The following DHX34 variants were observed in gnomAD, a reference collection of about 807,000 sequenced individuals.
DHX34 encodes the protein DExH-box helicase 34, also known as probable ATP-dependent RNA helicase DHX34.
Under a neutral mutation model 111.1 loss-of-function variants are expected in DHX34, and 96 were observed. The observed-to-expected ratio is 0.86, with a 90% CI of 0.73 to 1.02. The LOEUF is 1.02. Among genes scored for constraint, DHX34 ranks in the 50% least tolerant of loss-of-function variants. The probability of loss-of-function intolerance (pLI) is 0.00; values close to 1 mark genes in which losing one functional copy is unlikely to be tolerated. For missense variants in DHX34, 1,560 were observed against 1,579.9 expected (o/e 0.99, Z 0.21); for synonymous variants, 688 against 670.4 (o/e 1.03, Z -0.41).
In DHX34 at chr19:47,377,196, C is replaced by T. The variant is rs1187007465; in HGVS notation, c.2696C>T (p.Pro899Leu). The change falls in exon 13 of 17, where the codon CCT becomes CTT. Residue 899 changes from proline to leucine, a missense_variant. Pro to Leu is a moderately conservative substitution (Grantham distance 98). Transcript: ENST00000328771. ...TACCTGGTGAACTGCGTCCGCATCC[C>T]TGCCCTCCAGGTGGGCCTCTGCCCC... ...KPYLVNCVRIPALQSLLLFSR... is the reference protein window; with the variant it reads ...KPYLVNCVRILALQSLLLFSR... The T allele has an allele frequency of 1.2e-6, 2 of 1,613,404 alleles. No homozygotes were observed. The highest frequency in any genetic ancestry group is 8.5e-7 in the Non-Finnish European group (1 of 1,179,742).
chr19:47,349,803 A>G (rs1029507274), intron 1 of DHX34, among the ~76,000 whole-genome samples: 4 of 152,158 alleles, frequency 2.6e-5, no homozygotes, highest in African/African-American at 7.2e-5. Flanking sequence ...TTAGATGGAG[A>G]AACGAGACAC....
rs753999314 is a variant in DHX34 at position 47,362,553 on chromosome 19, G to A, written c.1453G>A (p.Ala485Thr). 15 of 1,612,878 alleles carry A rather than the reference G, an allele frequency of 9.3e-6. No individual in the cohort carries two copies. The highest frequency in any genetic ancestry group is 1.6e-4 in the Middle Eastern group (1 of 6,072). Residue 485 changes from alanine (A) to threonine (T), a missense_variant, in exon 6 of 17, where the codon GCA (alanine) becomes ACA (threonine). Coordinates refer to ENST00000328771, the MANE Select transcript of DHX34 (RefSeq NM_014681.6). ...LQEFWISQAS[A>T]EQRKGRAGRT... ...GGAGTTCTGGATTAGTCAGGCCAGC[G>A]CAGAGCAGCGGAAGGGCCGGGCGGG... is the stretch of plus-strand genomic sequence containing the variant.
chr19:47,353,449 A>G lies in DHX34; in HGVS notation c.419A>G (p.Tyr140Cys). ...GAGTTCCGCCGAGCCCTGTTGCACT[A>G]CCTGGACTTTGGCCAGAAGCAGGCA... ...VAEFRRALLH[Y>C]LDFGQKQAFG... The change falls in exon 2 of 17, where the codon TAC (tyrosine) becomes TGC (cysteine). Residue 140 changes from tyrosine (Y) to cysteine (C), a missense_variant. Transcript: ENST00000328771. This position sits in a 1 kb window ranked among gnomAD's most constrained non-coding sequence, Gnocchi z 4.6. The G allele has an allele frequency of 6.2e-7, 1 of 1,614,108 alleles. No homozygotes were observed. The highest frequency in any genetic ancestry group is 8.5e-7 in the Non-Finnish European group (1 of 1,180,030).
In DHX34 at chr19:47,381,372, C is replaced by T. The variant is rs114378845; in HGVS notation, c.3298+48C>T. The T allele has an allele frequency of 1.2e-3, 1,831 of 1,583,900 alleles. 18 individuals are homozygous for T. The African/African-American group carries it at 0.022, about 19-fold the overall frequency. On this transcript the variant is annotated intron_variant, in intron 16 of 16. Coordinates refer to ENST00000328771, the MANE Select transcript of DHX34 (RefSeq NM_014681.6). ...CCGGCCACCTCTGCCCAGCCGTCTG[C>T]CCATCCCATGATGGTCTCCTGTGCG...
Position 47,379,923 on chromosome 19 carries a change from C to A in DHX34, c.2920C>A (p.Pro974Thr). 1 of 1,611,670 alleles carries A rather than the reference C, an allele frequency of 6.2e-7. No homozygotes were observed. The highest frequency in any genetic ancestry group is 1.1e-5 in the South Asian group (1 of 91,010). ...QQLEEEEEDT[P>T]VSPKEVATLS... ...GCTGGAGGAGGAGGAGGAGGATACG[C>A]CAGTCAGCCCCAAGGAGGTGGCCAC... Residue 974 changes from proline (P) to threonine (T), a missense_variant, in exon 14 of 17, where the codon CCA (proline) becomes ACA (threonine). Pro to Thr is a conservative substitution (Grantham distance 38, BLOSUM62 -1). Coordinates refer to ENST00000328771, the MANE Select transcript of DHX34 (RefSeq NM_014681.6).
chr19:47,360,562 C>G (rs896463211), intron 5 of DHX34, among the ~76,000 whole-genome samples: 1 of 152,092 alleles, frequency 6.6e-6, no homozygotes, highest in East Asian at 1.9e-4. Flanking sequence ...TTTCAGGGCC[C>G]GCATAAATGT....
chr19:47,375,685 G>A lies in DHX34; in HGVS notation c.2284G>A (p.Ala762Thr). The stretch of plus-strand genomic sequence containing the variant: ...CAGGGCTGGCCCAGCCCCCCCAGGG[G>A]CCAGTGATGGCGTGGACATCCAGGT... ...EDRAGPAPPG[A>T]SDGVDIQDVK... Residue 762 changes from alanine to threonine, a missense_variant, in exon 10 of 17, where the codon GCC becomes ACC. Coordinates refer to ENST00000328771, the MANE Select transcript of DHX34 (RefSeq NM_014681.6). 1.3e-6 allele frequency: 2 copies of A among 1,558,016 alleles called. No homozygotes were observed. Among genetic ancestry groups the A allele is most frequent in the Non-Finnish European group, 1.7e-6 (2 of 1,155,868 alleles).
At chr19:47,366,591 A>G (rs1484095959) in intron 6 of DHX34, among the ~76,000 whole-genome samples, 2 of 146,670 alleles carry the variant, frequency 1.4e-5, no homozygotes, top group Non-Finnish European at 3.0e-5. Flanking sequence ...GACACTGGGA[A>G]TTTGAGATGG....
intron 4 of DHX34, 33 bp downstream of exon 4, chr19:47,358,153 G>A: frequency 6.3e-7 from 1 of 1,591,600 alleles, no homozygotes; most frequent in Non-Finnish European, 8.6e-7. Flanking sequence ...GGCAGGCGGG[G>A]GGTCTGCATG....
rs774431074 is a variant in DHX34 at position 47,367,013 on chromosome 19, C to A, written c.1626C>A (p.Thr542=). The A allele has an allele frequency of 2.5e-6, 4 of 1,570,896 alleles. No individual in the cohort carries two copies. Among genetic ancestry groups the A allele is most frequent in the Non-Finnish European group, 3.4e-6 (4 of 1,161,928 alleles). ...GCATGAGTGTGGGGGACCCCCGAAC[C>A]TTCCCCTTCATCGAGCCCCCACCAC... is the stretch of plus-strand genomic sequence containing the variant. ...MKSMSVGDPR[T]FPFIEPPPPA... The change falls in exon 7 of 17, where the codon ACC becomes ACA. Residue 542 remains threonine (T), a synonymous_variant. Coordinates refer to ENST00000328771, the MANE Select transcript of DHX34 (RefSeq NM_014681.6).
chr19:47,369,185 G>GT (rs757328717), intron 7 of DHX34, among the ~76,000 whole-genome samples: 1 of 152,064 alleles, frequency 6.6e-6, no homozygotes, highest in Non-Finnish European at 1.5e-5. Context: ...GCCAGTATTT[G>GT]TTTTTTCAGT....
At chr19:47,368,305 T>C (rs1373446503) in intron 7 of DHX34, among the ~76,000 whole-genome samples, 20 of 133,088 alleles carry the variant, frequency 1.5e-4, no homozygotes, top group African/African-American at 5.7e-4. Flanking sequence ...ATCCTTTTTT[T>C]TTTTTTTTTT....
intron 8 of DHX34, among the ~76,000 whole-genome samples, chr19:47,373,139 G>A (rs1206030162): frequency 6.6e-6 from 1 of 152,180 alleles, no homozygotes; most frequent in Non-Finnish European, 1.5e-5. Context: ...AGAGGAGCCT[G>A]GGGTTTCTGA....
chr19:47,358,579 A>G (rs116980639), intron 4 of DHX34, among the ~76,000 whole-genome samples: 2 of 151,100 alleles, frequency 1.3e-5, no homozygotes, highest in East Asian at 3.9e-4. Flanking sequence ...TTAGTCTCCC[A>G]AGTAGCAACT....
In DHX34 at chr19:47,352,951, T is replaced by A. The variant is rs1473872284; in HGVS notation, c.-80T>A. On this transcript the variant is annotated 5_prime_UTR_variant, in exon 2 of 17. Transcript: ENST00000328771. ...TTCTCTATTGCAGGCACTGGCCTCTTAAATTGTTGCAGGTGGGGAATGGAT... is the reference window on the plus strand; with the variant it reads ...TTCTCTATTGCAGGCACTGGCCTCTAAAATTGTTGCAGGTGGGGAATGGAT... 8 of 1,501,542 alleles carry A rather than the reference T, an allele frequency of 5.3e-6. No homozygotes were observed. Among genetic ancestry groups the A allele is most frequent in the Non-Finnish European group, 7.1e-6 (8 of 1,125,338 alleles). The allele number at this position is 1,501,542 out of a possible 1,614,324, so 93.0% of individuals were successfully genotyped here.
At position 47,376,456 on chromosome 19, in the gene DHX34, A is replaced by G. The variant is rs932402305; in HGVS notation, c.2495A>G (p.Gln832Arg). Reference protein sequence around the residue: ...RKDSDQIFHTQAKQGAVLHPT... With the variant: ...RKDSDQIFHTRAKQGAVLHPT... ...TGTCCTCCGCAGATTTTCCACACGC[A>G]GGCCAAGCAGGGCGCCGTGCTGCAC... The change falls in exon 12 of 17, where the codon CAG becomes CGG. Residue 832 changes from glutamine (Q) to arginine (R), a missense_variant. Transcript: ENST00000328771. The G allele has an allele frequency of 6.2e-7, 1 of 1,611,564 alleles. No individual in the cohort carries two copies. Among genetic ancestry groups the G allele is most frequent in the Non-Finnish European group, 8.5e-7 (1 of 1,179,166 alleles).
At position 47,382,163 on chromosome 19, in the gene DHX34, C is replaced by A; in HGVS notation, c.*50C>A. The A allele has an allele frequency of 6.2e-7, 1 of 1,606,694 alleles. No homozygotes were observed. The highest frequency in any genetic ancestry group is 8.5e-7 in the Non-Finnish European group (1 of 1,176,364). On this transcript the variant is annotated 3_prime_UTR_variant, in exon 17 of 17. Coordinates refer to ENST00000328771, the MANE Select transcript of DHX34 (RefSeq NM_014681.6). ...TCCGTGCAGCTGACCTGCCCTCCAG[C>A]CCAGGACTAGGGGCAGGACTCTTGC...
chr19:47,377,739 A>G (rs1223066691), intron 13 of DHX34, among the ~76,000 whole-genome samples: 1 of 136,678 alleles, frequency 7.3e-6, no homozygotes, highest in Non-Finnish European at 1.5e-5. Flanking sequence ...GAGGCGAGGG[A>G]GACAGGACCC....
At chr19:47,352,028 CT>C (rs1969302794) in intron 1 of DHX34, among the ~76,000 whole-genome samples, 2 of 152,194 alleles carry the variant, frequency 1.3e-5, no homozygotes, top group Non-Finnish European at 2.9e-5. Context: ...GAACCCTTGC[CT>C]TATTCTTTTC....
Sources: allele counts gnomAD v4.1 joint callset (sites outside exome capture counted in the v4.1 genomes callset), GRCh38; gene constraint gnomAD v4.1.1; non-coding constraint Gnocchi (gnomAD v3.1); transcripts MANE v1.5; gene names NCBI Gene and HGNC (gene_info 2026-07-23, HGNC 2026-07-21).